The following AGAP1 variants were observed in gnomAD, a reference collection of about 807,000 sequenced individuals.
The protein encoded by AGAP1 is ArfGAP with GTPase domain, ankyrin repeat and PH domain 1.
AGAP1 carries 29 observed loss-of-function variants against 105.3 expected under a neutral mutation model. The observed-to-expected ratio is 0.28, with a 90% CI of 0.21 to 0.38. The LOEUF (loss-of-function observed/expected upper bound fraction) is 0.38, where lower values mean the gene tolerates loss of function less well. Ranked by LOEUF, AGAP1 falls within the 10% of genes least tolerant of loss-of-function variation. AGAP1 has a pLI of 1.00. For missense variants in AGAP1, 998 were observed against 1,165.1 expected (o/e 0.86, Z 2.09); for synonymous variants, 509 against 485.9 (o/e 1.05, Z -0.63).
intron 11 of AGAP1, among the ~76,000 whole-genome samples, chr2:235,915,946 A>T (rs944950427): frequency 6.6e-6 from 1 of 152,170 alleles, no homozygotes; most frequent in Admixed American, 6.5e-5. Context: ...CCTACAAAAG[A>T]AGAGAAATCT....
At chr2:236,006,225 G>A (rs1490322010) in intron 13 of AGAP1, among the ~76,000 whole-genome samples, 2 of 152,268 alleles carry the variant, frequency 1.3e-5, no homozygotes, top group South Asian at 2.1e-4. Context: ...CCCCATCTCT[G>A]TGGGGTTTCT....
chr2:235,818,658 G>C (rs1186659339), intron 9 of AGAP1, among the ~76,000 whole-genome samples: 3 of 152,042 alleles, frequency 2.0e-5, no homozygotes, highest in African/African-American at 7.2e-5. Flanking sequence ...AGTCAGGCTG[G>C]TCTCGAACTC....
At position 235,723,298 on chromosome 2, in the gene AGAP1, G is replaced by C. The variant is rs1384883158; in HGVS notation, c.310+5654G>C. On this transcript the variant is annotated intron_variant, in intron 3 of 17. Coordinates refer to ENST00000304032, the MANE Select transcript of AGAP1 (RefSeq NM_001037131.3). The surrounding 1 kb of genome is among the most constrained non-coding windows in gnomAD (Gnocchi z 6.2). The stretch of plus-strand genomic sequence containing the variant: ...GTGACTTCCCTCGTGGTGTGTTTAT[G>C]TGCTTAATATTCAGCGTCCCCCAAC... Among the ~76,000 whole-genome samples the C allele has an allele frequency of 2.0e-5, 3 of 152,180 alleles. No homozygotes were observed. Among genetic ancestry groups the C allele is most frequent in the Admixed American group, 2.0e-4 (3 of 15,266 alleles).
At chr2:235,590,953 C>T (rs1559272414) in intron 1 of AGAP1, among the ~76,000 whole-genome samples, 1 of 151,458 alleles carries the variant, frequency 6.6e-6, no homozygotes, top group Non-Finnish European at 1.5e-5. Flanking sequence ...GATCTCCTGA[C>T]CTCGTGATCC....
At chr2:235,592,277 CAGA>C (rs1402876633) in intron 1 of AGAP1, among the ~76,000 whole-genome samples, 1 of 152,020 alleles carries the variant, frequency 6.6e-6, no homozygotes, top group Non-Finnish European at 1.5e-5. Flanking sequence ...CACCACGCGC[CAGA>C]AGGAGGAGTA....
rs1411662043 is a variant in AGAP1, at chr2:235,601,510, A to G, written c.163+106661A>G. Among the ~76,000 whole-genome samples the G allele has an allele frequency of 2.0e-5, 3 of 152,194 alleles. No individual in the cohort carries two copies. The highest frequency in any genetic ancestry group is 1.9e-4 in the East Asian group (1 of 5,190). On this transcript the variant is annotated intron_variant, in intron 1 of 17. Coordinates refer to ENST00000304032, the MANE Select transcript of AGAP1 (RefSeq NM_001037131.3). The surrounding 1 kb of genome is among the most constrained non-coding windows in gnomAD (Gnocchi z 4.4). ...AATGAGGAGCAAAGTTACATCTAAC[A>G]TGGGGGCAGGCAAGAGAGCTTGCTC...
intron 1 of AGAP1, among the ~76,000 whole-genome samples, chr2:235,678,025 T>A (rs1948849840): frequency 6.7e-6 from 1 of 148,280 alleles, no homozygotes. Context: ...TATTTGTGAC[T>A]TGCTTTCCTG....
rs1482454544 is a variant in AGAP1, at chr2:235,994,877, C to CA, written c.1645+26258dup. On this transcript the variant is annotated intron_variant, in intron 13 of 17. Coordinates refer to ENST00000304032, the MANE Select transcript of AGAP1 (RefSeq NM_001037131.3). The surrounding 1 kb of genome is among the most constrained non-coding windows in gnomAD (Gnocchi z 4.4). ...GTCAGGAGTTTGAGACCAGCCTGGA[C>CA]AAAATAGTGAAACCCCATCTGTACT... 6.7e-6 allele frequency among the ~76,000 whole-genome samples: 1 copy of CA among 150,200 alleles called. No individual in the cohort carries two copies. The highest frequency in any genetic ancestry group is 2.4e-5 in the African/African-American group (1 of 40,830).
intron 10 of AGAP1, among the ~76,000 whole-genome samples, chr2:235,886,541 C>T (rs568094141): frequency 2.0e-5 from 3 of 152,190 alleles, no homozygotes; most frequent in African/African-American, 4.8e-5. Flanking sequence ...TCAGTGTTTG[C>T]CAATTCCATC....
In AGAP1 at chr2:236,114,041, G is replaced by A. The variant is rs2059712954; in HGVS notation, c.2115-6151G>A. Among the ~76,000 whole-genome samples the A allele has an allele frequency of 6.6e-6, 1 of 152,188 alleles. No homozygotes were observed. Among genetic ancestry groups the A allele is most frequent in the African/African-American group, 2.4e-5 (1 of 41,526 alleles). On this transcript the variant is annotated intron_variant, in intron 16 of 17. Coordinates refer to ENST00000304032, the MANE Select transcript of AGAP1 (RefSeq NM_001037131.3). The surrounding 1 kb of genome is among the most constrained non-coding windows in gnomAD (Gnocchi z 5.0). ...TCTCCTGCGGCTGATTTATTTAAAG[G>A]TGTGTCAGCACCACATCAAATGAGG... is the stretch of plus-strand genomic sequence containing the variant.
At chr2:235,525,223 A>G (rs1022380672) in intron 1 of AGAP1, among the ~76,000 whole-genome samples, 1 of 152,248 alleles carries the variant, frequency 6.6e-6, no homozygotes, top group African/African-American at 2.4e-5. Flanking sequence ...CAATACGAGA[A>G]AAAGAGGACT....
intron 1 of AGAP1, among the ~76,000 whole-genome samples, chr2:235,598,989 C>T (rs1326558457): frequency 3.9e-5 from 6 of 152,194 alleles, no homozygotes; most frequent in Admixed American, 1.3e-4. Flanking sequence ...GCCTGTCTTC[C>T]TCTTGTTGAC....
rs934239702 is a variant in AGAP1 at position 235,549,061 on chromosome 2, G to A, written c.163+54212G>A. ...GCAGGGCAGCTTGTGCAGAAACTGG[G>A]ACCTGCTCTCCTTGTAGAGACACAA... On this transcript the variant is annotated intron_variant, in intron 1 of 17. Coordinates refer to ENST00000304032, the MANE Select transcript of AGAP1 (RefSeq NM_001037131.3). The surrounding 1 kb of genome is among the most constrained non-coding windows in gnomAD (Gnocchi z 4.2). 5.3e-5 allele frequency among the ~76,000 whole-genome samples: 8 copies of A among 152,310 alleles called. No individual in the cohort carries two copies. In the East Asian group the frequency reaches 1.5e-3, roughly 29 times the overall value.
chr2:235,694,351 C>T (rs1445732177), intron 1 of AGAP1, among the ~76,000 whole-genome samples: 5 of 151,674 alleles, frequency 3.3e-5, no homozygotes, highest in African/African-American at 4.8e-5. Context: ...TGGTGGCGGG[C>T]GCATGTATTC....
rs956481955 is a variant in AGAP1, at chr2:236,119,304, A to G, written c.2115-888A>G. Among the ~76,000 whole-genome samples the G allele has an allele frequency of 1.3e-5, 2 of 152,130 alleles. No homozygotes were observed. The highest frequency in any genetic ancestry group is 6.5e-5 in the Admixed American group (1 of 15,278). ...ACCTGCCTGTTTCCCAGGCCCTGGA[A>G]CAGTTTCCCCCAAAAAACTCAGCCA... On this transcript the variant is annotated intron_variant, in intron 16 of 17. Coordinates refer to ENST00000304032, the MANE Select transcript of AGAP1 (RefSeq NM_001037131.3). This position sits in a 1 kb window ranked among gnomAD's most constrained non-coding sequence, Gnocchi z 6.6.
In AGAP1 at chr2:235,893,813, G is replaced by A. The variant is rs530228144; in HGVS notation, c.1155+10364G>A. On this transcript the variant is annotated intron_variant, in intron 10 of 17. Transcript: ENST00000304032. This position sits in a 1 kb window ranked among gnomAD's most constrained non-coding sequence, Gnocchi z 4.7. Reference sequence around the variant, plus strand: ...TGCCACCACAATGAAGTTTCCAATCGTGTGACTCCTTCAGCATCTTTGCTC... The same window carrying A: ...TGCCACCACAATGAAGTTTCCAATCATGTGACTCCTTCAGCATCTTTGCTC... Among the ~76,000 whole-genome samples the A allele has an allele frequency of 4.6e-5, 7 of 152,234 alleles. No homozygotes were observed. In the South Asian group the frequency reaches 1.0e-3, roughly 23 times the overall value.
chr2:235,703,753 T>G (rs1354022648), intron 1 of AGAP1, among the ~76,000 whole-genome samples: 8 of 152,038 alleles, frequency 5.3e-5, no homozygotes, highest in Non-Finnish European at 8.8e-5. Context: ...CCTGCCACCA[T>G]GCCCGGCTAA....
At chr2:235,678,381 A>C (rs1264170828) in intron 1 of AGAP1, among the ~76,000 whole-genome samples, 1 of 152,212 alleles carries the variant, frequency 6.6e-6, no homozygotes, top group Admixed American at 6.5e-5. Context: ...TAGAAAGGAC[A>C]CAGTGTCTAG....
chr2:235,583,042 G>C (rs1242242394), intron 1 of AGAP1, among the ~76,000 whole-genome samples: 1 of 152,196 alleles, frequency 6.6e-6, no homozygotes, highest in African/African-American at 2.4e-5. Context: ...CAGACCAGCT[G>C]CATTTTCTAG....
Sources: allele counts gnomAD v4.1 joint callset (sites outside exome capture counted in the v4.1 genomes callset), GRCh38; gene constraint gnomAD v4.1.1; non-coding constraint Gnocchi (gnomAD v3.1); transcripts MANE v1.5; gene names NCBI Gene and HGNC (gene_info 2026-07-23, HGNC 2026-07-21).